Variants in C1orf167 observed in about 807,000 individuals in gnomAD.
C1orf167 encodes the protein uncharacterized protein C1orf167.
In C1orf167, 153 loss-of-function variants were observed where a neutral mutation model predicts 176.5. The observed-to-expected ratio is 0.87, with a 90% CI of 0.76 to 0.99. The LOEUF is 0.99. Among genes scored for constraint, C1orf167 ranks in the 50% least tolerant of loss-of-function variants. C1orf167 has a pLI of 0.00. For synonymous variants in C1orf167, 594 were observed against 752.7 expected (o/e 0.79, Z 3.45); for missense variants, 1,490 against 1,817.7 (o/e 0.82, Z 3.28).
At chr1:11,763,546 T>A (rs1570366436) in intron 1 of C1orf167, among the ~76,000 whole-genome samples, 2 of 152,208 alleles carry the variant, frequency 1.3e-5, no homozygotes, top group South Asian at 4.1e-4. Context: ...TGGGCTTTGT[T>A]TCAATATAAC....
rs1035187696 is a variant in C1orf167, at chr1:11,763,653, T to G, written c.-70-678T>G. On this transcript the variant is annotated intron_variant, in intron 1 of 20. Coordinates refer to ENST00000688073, the MANE Select transcript of C1orf167 (RefSeq NM_001010881.2). Reference sequence around the variant, plus strand: ...CGGGGCATTGAGGGGGCTGGAGAGCTTCTGTGGCATTAGAGTTGAGGCAGG... The same window carrying G: ...CGGGGCATTGAGGGGGCTGGAGAGCGTCTGTGGCATTAGAGTTGAGGCAGG... Among the ~76,000 whole-genome samples the G allele has an allele frequency of 4.6e-5, 7 of 152,274 alleles. No individual in the cohort carries two copies. The East Asian group carries it at 1.4e-3, about 29-fold the overall frequency.
chr1:11,782,362 T>C lies in C1orf167; in HGVS notation c.3005+29T>C. 7 of 1,210,860 alleles carry C rather than the reference T, an allele frequency of 5.8e-6. No individual in the cohort carries two copies. In the South Asian group the frequency reaches 9.0e-5, roughly 15 times the overall value. The allele number at this position is 1,210,860 out of a possible 1,614,324, so 75.0% of individuals were successfully genotyped here. On this transcript the variant is annotated intron_variant, in intron 14 of 20. Transcript: ENST00000688073. ...GGTGGGCCTGGGGGTGGGAGGGTGT[T>C]GGTCCTCCCCACGCAAGGAATAGCA...
rs540529406 is a variant in C1orf167 at position 11,776,043 on chromosome 1, G to A, written c.2165-421G>A. ...AGGCCGAGGAGAGTGGATCACCTGA[G>A]GTCAGGAGTTCCAGACCAGCCTGGC... On this transcript the variant is annotated intron_variant, in intron 9 of 20. Transcript: ENST00000688073. Among the ~76,000 whole-genome samples, 145 of 152,332 alleles carry A rather than the reference G, an allele frequency of 9.5e-4. 2 individuals carry two copies. The South Asian group carries it at 0.016, about 17-fold the overall frequency.
Position 11,779,986 on chromosome 1 carries a change from T to C in C1orf167, c.2836T>C (p.Cys946Arg), listed in dbSNP as rs180937065. 474 of 1,290,048 alleles carry C rather than the reference T, an allele frequency of 3.7e-4. 5 individuals carry two copies. The African/African-American group carries it at 6.6e-3, about 18-fold the overall frequency. 79.9% of individuals were successfully genotyped at this position (1,290,048 alleles called of 1,614,324 possible). Residue 946 changes from cysteine to arginine, a missense_variant, in exon 13 of 21, where the codon TGC (cysteine) becomes CGC (arginine). Transcript: ENST00000688073. The stretch of plus-strand genomic sequence containing the variant: ...CTGGCGGCTGGCACGAGATGCCCTA[T>C]GCCACTGGCACTCCTGTTGGCAGGG... ...RGWRLARDAL[C>R]HWHSCWQGQQ... is the part of the protein sequence containing the mutation.
Position 11,779,049 on chromosome 1 carries a change from GC to G in C1orf167, c.2622del (p.Arg875GlyfsTer118). 7.8e-7 allele frequency: 1 copy of G among 1,279,204 alleles called. No homozygotes were observed. Among genetic ancestry groups the G allele is most frequent in the Non-Finnish European group, 1.0e-6 (1 of 977,258 alleles). 79.2% of individuals were successfully genotyped at this position (1,279,204 alleles called of 1,614,324 possible). ...ACGGGCCCAGCAGTTCCAGGGCACAGCCAGGTGGTACCAGCATACCCGCCAG... is the reference window on the plus strand; with the variant it reads ...ACGGGCCCAGCAGTTCCAGGGCACAGCAGGTGGTACCAGCATACCCGCCAG... Reference protein sequence around the residue: ...QARAQQFQGTARWYQHTRQRR... With the variant: ...QARAQQFQGTXRWYQHTRQRR... On this transcript the variant is annotated frameshift_variant, in exon 12 of 21. Transcript: ENST00000688073. LOFTEE classifies it high-confidence loss of function.
rs1249708816 is a variant in C1orf167, at chr1:11,788,344, A to G, written c.4044A>G (p.Gly1348=). ...GCAGTGGCATGGCAGCACTGGGTGG[A>G]TGCCCAAGGGGCAGAGCAGCTGGTG... is the stretch of plus-strand genomic sequence containing the variant. ...VPGSGMAALG[G]CPRGRAAGAD... is the part of the protein sequence containing the mutation. Residue 1348 remains glycine (G), a synonymous_variant, in exon 19 of 21, where the codon GGA becomes GGG. Transcript: ENST00000688073. 1 of 1,300,776 alleles carries G rather than the reference A, an allele frequency of 7.7e-7. No homozygotes were observed. Among genetic ancestry groups the G allele is most frequent in the Admixed American group, 2.3e-5 (1 of 43,496 alleles). The allele number at this position is 1,300,776 out of a possible 1,614,324, so 80.6% of individuals were successfully genotyped here. A position where few individuals can be genotyped will look rare whatever the true frequency, so the allele number is the denominator to read the frequency against.
intron 13 of C1orf167, 135 bp from the exon 14 acceptor site, chr1:11,782,054 G>A (rs1317130417): frequency 2.7e-6 from 2 of 730,392 alleles, no homozygotes; most frequent in Non-Finnish European, 3.6e-6. Context: ...CATAATAGAG[G>A]CTTTTTAACC....
In C1orf167 at chr1:11,785,363, C is replaced by T. The variant is rs867137590; in HGVS notation, c.3567+74C>T. The T allele has an allele frequency of 1.2e-5, 14 of 1,195,854 alleles. No homozygotes were observed. In the Middle Eastern group the frequency reaches 1.8e-3, roughly 152 times the overall value. 74.1% of individuals were successfully genotyped at this position (1,195,854 alleles called of 1,614,324 possible). A position where few individuals can be genotyped will look rare whatever the true frequency, so the allele number is the denominator to read the frequency against. On this transcript the variant is annotated intron_variant, in intron 16 of 20. Coordinates refer to ENST00000688073, the MANE Select transcript of C1orf167 (RefSeq NM_001010881.2). The stretch of plus-strand genomic sequence containing the variant: ...AGCAGGGGGAGCCTGCTGCTGGACG[C>T]CCCAGCCCCTTGGAAACAGGTGAAG...
In C1orf167 at chr1:11,778,660, C is replaced by A; in HGVS notation, c.2340C>A (p.Asn780Lys). The stretch of plus-strand genomic sequence containing the variant: ...GGTCACTCACCTGCCCCTTCTCTAG[C>A]TCCTTCTTCCAGGGCCTGCAGCAGC... The part of the protein sequence containing the change: ...KMRLFQRQWA[N>K]SFFQGLQQRM... The change falls in exon 11 of 21, where the codon AAC (asparagine) becomes AAA (lysine). Residue 780 changes from asparagine (N) to lysine (K), a missense_variant and splice_region_variant. Transcript: ENST00000688073. 7.7e-7 allele frequency: 1 copy of A among 1,293,976 alleles called. No individual in the cohort carries two copies. Among genetic ancestry groups the A allele is most frequent in the Non-Finnish European group, 1.0e-6 (1 of 981,314 alleles). The allele number at this position is 1,293,976 out of a possible 1,614,324, so 80.2% of individuals were successfully genotyped here.
intron 2 of C1orf167, 161 bp downstream of exon 2, chr1:11,764,631 C>A: frequency 1.9e-6 from 1 of 514,026 alleles, no homozygotes; most frequent in Non-Finnish European, 3.2e-6. Context: ...GTCTTCCCAG[C>A]CTGGGGCCTA....
intron 1 of C1orf167, among the ~76,000 whole-genome samples, chr1:11,762,700 C>G (rs1046162881): frequency 6.6e-6 from 1 of 152,192 alleles, no homozygotes; most frequent in African/African-American, 2.4e-5. Context: ...TGGCAGGACG[C>G]CTGCTGAAGG....
At position 11,784,544 on chromosome 1, in the gene C1orf167, T is replaced by G. The variant is rs1441150976; in HGVS notation, c.3376T>G (p.Cys1126Gly). ...CTGGGCTCTGTGGGTGCATGAGTCC[T>G]GTCGGGGCCAGGTCAGCCGAGCCCA... is the stretch of plus-strand genomic sequence containing the variant. ...WCWALWVHESCRGQVSRAHAS... is the reference protein window; with the variant it reads ...WCWALWVHESGRGQVSRAHAS... Residue 1126 changes from cysteine (C) to glycine (G), a missense_variant, in exon 15 of 21, where the codon TGT becomes GGT. By Grantham distance (159) the Cys-to-Gly change is radical. Transcript: ENST00000688073. The G allele has an allele frequency of 1.2e-5, 15 of 1,289,118 alleles. No homozygotes were observed. Among genetic ancestry groups the G allele is most frequent in the Non-Finnish European group, 1.5e-5 (15 of 981,540 alleles). The allele number at this position is 1,289,118 out of a possible 1,614,324, so 79.9% of individuals were successfully genotyped here. A position where few individuals can be genotyped will look rare whatever the true frequency, so the allele number is the denominator to read the frequency against.
chr1:11,780,377 G>A (rs570727781), intron 13 of C1orf167, among the ~76,000 whole-genome samples: 2 of 152,236 alleles, frequency 1.3e-5, no homozygotes, highest in Non-Finnish European at 2.9e-5. Context: ...TTCCAAGAGG[G>A]ACAGTGACTC....
At chr1:11,780,546 C>G (rs1557738176) in intron 13 of C1orf167, among the ~76,000 whole-genome samples, 1 of 152,192 alleles carries the variant, frequency 6.6e-6, no homozygotes, top group Non-Finnish European at 1.5e-5. Flanking sequence ...CATACCCTGA[C>G]TGTGTGAAAC....
At chr1:11,787,757 CTAAGCT>C (rs1643926861) in intron 17 of C1orf167, 110 bp from the exon 18 acceptor site, 1 of 1,164,260 alleles carries the variant, frequency 8.6e-7, no homozygotes, top group Admixed American at 4.0e-5. Context: ...GGGCACAAGG[CTAAGCT>C]CAGCACCTTC....
intron 7 of C1orf167, 129 bp from the exon 8 acceptor site, chr1:11,771,953 C>A: frequency 3.0e-6 from 2 of 657,940 alleles, no homozygotes; most frequent in Non-Finnish European, 4.5e-6. Context: ...AGTATTGGAG[C>A]TAGACTTCAC....
chr1:11,778,794 C>T lies in C1orf167; in HGVS notation c.2474C>T (p.Thr825Ile), dbSNP rs1402227975. The change falls in exon 11 of 21, where the codon ACA becomes ATA. Residue 825 changes from threonine to isoleucine, a missense_variant. Physicochemically the swap from Thr to Ile is moderately conservative, Grantham distance 89. Transcript: ENST00000688073. ...PSALEPLSSS[T>I]LQDSLEKVPR... ...GCTCTGGAGCCACTGAGCAGCAGCA[C>T]ACTCCAAGACTCTCTGGAGAAGGTG... The T allele has an allele frequency of 7.7e-7, 1 of 1,303,084 alleles. No homozygotes were observed. Among genetic ancestry groups the T allele is most frequent in the Middle Eastern group, 2.1e-4 (1 of 4,690 alleles). The allele number at this position is 1,303,084 out of a possible 1,614,324, so 80.7% of individuals were successfully genotyped here. A position where few individuals can be genotyped will look rare whatever the true frequency, so the allele number is the denominator to read the frequency against.
At position 11,766,875 on chromosome 1, in the gene C1orf167, T is replaced by C; in HGVS notation, c.1089T>C (p.Asp363=). The C allele has an allele frequency of 7.9e-7, 1 of 1,271,746 alleles. No homozygotes were observed. The highest frequency in any genetic ancestry group is 1.0e-6 in the Non-Finnish European group (1 of 978,592). The allele number at this position is 1,271,746 out of a possible 1,614,324, so 78.8% of individuals were successfully genotyped here. A position where few individuals can be genotyped will look rare whatever the true frequency, so the allele number is the denominator to read the frequency against. The change falls in exon 3 of 21, where the codon GAT becomes GAC. Residue 363 remains aspartate, a synonymous_variant. Transcript: ENST00000688073. This position sits in a 1 kb window ranked among gnomAD's most constrained non-coding sequence, Gnocchi z 4.5. The stretch of plus-strand genomic sequence containing the variant: ...ACAGCTGCTCCCCCTGGTCTCAAGA[T>C]GGCAGGGCACAGAGGGGTGACCCCA... The part of the protein sequence containing the change: ...SGDSCSPWSQ[D]GRAQRGDPSL...
intron 6 of C1orf167, among the ~76,000 whole-genome samples, chr1:11,769,669 A>G (rs1262442475): frequency 8.8e-6 from 1 of 113,532 alleles, no homozygotes; most frequent in African/African-American, 3.0e-5. Flanking sequence ...TATGATGTTT[A>G]GGAAGTTTTT....
Sources: allele counts gnomAD v4.1 joint callset (sites outside exome capture counted in the v4.1 genomes callset), GRCh38; gene constraint gnomAD v4.1.1; non-coding constraint Gnocchi (gnomAD v3.1); transcripts MANE v1.5; gene names NCBI Gene and HGNC (gene_info 2026-07-23, HGNC 2026-07-21).